The following C1QTNF7 variants were observed in gnomAD, a reference collection of about 807,000 sequenced individuals.
The protein encoded by C1QTNF7 is C1q and TNF related 7.
In C1QTNF7, 15 loss-of-function variants were observed where a neutral mutation model predicts 19.6. That is an observed-to-expected ratio of 0.76 (90% confidence interval 0.51 to 1.18). The LOEUF (loss-of-function observed/expected upper bound fraction) is 1.18, where lower values mean the gene tolerates loss of function less well. Among genes scored for constraint, C1QTNF7 ranks in the 50% most tolerant of loss-of-function variants. The pLI is 0.00. For synonymous variants in C1QTNF7, 142 were observed against 137.5 expected (o/e 1.03, Z -0.23); for missense variants, 324 against 359.7 (o/e 0.90, Z 0.80).
At chr4:15,405,077 C>G (rs1397359568) in intron 1 of C1QTNF7, among the ~76,000 whole-genome samples, 1 of 152,154 alleles carries the variant, frequency 6.6e-6, no homozygotes. Context: ...TACACACAAC[C>G]ATGGCTTAAA....
rs1388594148 is a variant in C1QTNF7, at chr4:15,442,399, GCTACCCAGAAGAAAGA to G, written c.476_491del (p.Pro159LeufsTer55). 1 of 1,614,176 alleles carries G rather than the reference GCTACCCAGAAGAAAGA, an allele frequency of 6.2e-7. No homozygotes were observed. The highest frequency in any genetic ancestry group is 1.1e-5 in the South Asian group (1 of 91,080). Reference sequence around the variant, plus strand: ...GCCTTTTCTGTTGGCATCACAACCAGCTACCCAGAAGAAAGACTACCTATTATATTTAACAAGGTCC... The same window carrying G: ...GCCTTTTCTGTTGGCATCACAACCAGCTACCTATTATATTTAACAAGGTCC... On this transcript the variant is annotated frameshift_variant, in exon 3 of 3. Coordinates refer to ENST00000444304, the MANE Select transcript of C1QTNF7 (RefSeq NM_031911.5). LOFTEE classifies it high-confidence loss of function.
upstream of C1QTNF7, among the ~76,000 whole-genome samples, chr4:15,424,768 T>C (rs1300158746): frequency 6.6e-6 from 1 of 152,224 alleles, no homozygotes; most frequent in Non-Finnish European, 1.5e-5. Context: ...GGACTGAAAA[T>C]GGCTGATGGT....
rs568700203 is a variant in C1QTNF7 at position 15,445,074 on chromosome 4, C to G, written c.*2275C>G. ...TGCTTTTCCTGTCTTTCAACCCTAT[C>G]TTGCTTTCATTGTCTTCATCTTCCT... is the stretch of plus-strand genomic sequence containing the variant. On this transcript the variant is annotated 3_prime_UTR_variant, in exon 3 of 3. Coordinates refer to ENST00000444304, the MANE Select transcript of C1QTNF7 (RefSeq NM_031911.5). 210 of 152,444 alleles carry G rather than the reference C, an allele frequency of 1.4e-3. No homozygotes were observed. The highest frequency in any genetic ancestry group is 4.7e-3 in the African/African-American group (196 of 41,570). The allele number at this position is 152,444 out of a possible 1,614,324, so 9.4% of individuals were successfully genotyped here. A position where few individuals can be genotyped will look rare whatever the true frequency, so the allele number is the denominator to read the frequency against.
chr4:15,406,279 G>A (rs1323428441), intron 1 of C1QTNF7, among the ~76,000 whole-genome samples: 2 of 152,148 alleles, frequency 1.3e-5, no homozygotes, highest in African/African-American at 2.4e-5. Flanking sequence ...TGTTGAATGA[G>A]TGAGAGTATA....
intron 1 of C1QTNF7, among the ~76,000 whole-genome samples, chr4:15,396,974 G>C (rs1037097442): frequency 1.3e-5 from 2 of 152,140 alleles, no homozygotes; most frequent in African/African-American, 4.8e-5. Flanking sequence ...ACAGTTCTAC[G>C]TGCCTGGGGA....
At chr4:15,425,693 G>C (rs1296738882), upstream of C1QTNF7, among the ~76,000 whole-genome samples, 1 of 152,186 alleles carries the variant, frequency 6.6e-6, no homozygotes, top group African/African-American at 2.4e-5. Flanking sequence ...CTCATCTGTA[G>C]AAGGAGGATA....
At chr4:15,349,315 C>T (rs1032940747) in intron 1 of C1QTNF7, among the ~76,000 whole-genome samples, 27 of 152,138 alleles carry the variant, frequency 1.8e-4, no homozygotes, top group African/African-American at 2.7e-4. Flanking sequence ...ACTCACCTCC[C>T]GCTCACTCTA....
chr4:15,426,357 A>G (rs1346415143), upstream of C1QTNF7, among the ~76,000 whole-genome samples: 2 of 152,210 alleles, frequency 1.3e-5, no homozygotes, highest in African/African-American at 2.4e-5. Flanking sequence ...AGCTTTATCA[A>G]CATCTGAGGT....
At chr4:15,420,662 A>C (rs1451408683) in intron 1 of C1QTNF7, among the ~76,000 whole-genome samples, 2 of 152,108 alleles carry the variant, frequency 1.3e-5, no homozygotes, top group Non-Finnish European at 2.9e-5. Context: ...TAATCCTCAG[A>C]GTCTTTTGCC....
Position 15,442,399 on chromosome 4 carries a change from G to C in C1QTNF7, c.470G>C (p.Ser157Thr). The C allele has an allele frequency of 6.2e-7, 1 of 1,614,176 alleles. No homozygotes were observed. The highest frequency in any genetic ancestry group is 8.5e-7 in the Non-Finnish European group (1 of 1,180,032). The change falls in exon 3 of 3, where the codon AGC (serine) becomes ACC (threonine). Residue 157 changes from serine to threonine, a missense_variant. Transcript: ENST00000444304. ...GCCTTTTCTGTTGGCATCACAACCA[G>C]CTACCCAGAAGAAAGACTACCTATT... ...KSAFSVGITT[S>T]YPEERLPIIF...
At position 15,442,763 on chromosome 4, in the gene C1QTNF7, T is replaced by C. The variant is rs1712830925; in HGVS notation, c.834T>C (p.Asp278=). 1 of 1,612,828 alleles carries C rather than the reference T, an allele frequency of 6.2e-7. No homozygotes were observed. Among genetic ancestry groups the C allele is most frequent in the Non-Finnish European group, 8.5e-7 (1 of 1,179,558 alleles). ...FSGFLLYVDT[D]YLDSISEDDE... is the part of the protein sequence containing the mutation. ...GGTTTCTCTTATACGTTGACACAGATTACCTAGATTCCATATCAGAAGATG... is the reference window on the plus strand; with the variant it reads ...GGTTTCTCTTATACGTTGACACAGACTACCTAGATTCCATATCAGAAGATG... The change falls in exon 3 of 3, where the codon GAT becomes GAC. Residue 278 remains aspartate (D), a synonymous_variant. Coordinates refer to ENST00000444304, the MANE Select transcript of C1QTNF7 (RefSeq NM_031911.5).
upstream of C1QTNF7, among the ~76,000 whole-genome samples, chr4:15,425,372 A>G (rs1307736712): frequency 2.6e-5 from 4 of 152,134 alleles, no homozygotes; most frequent in African/African-American, 9.7e-5. Context: ...TATCAGGGAG[A>G]CTTTCTGTAG....
chr4:15,386,573 GT>G (rs1718344501), intron 1 of C1QTNF7, among the ~76,000 whole-genome samples: 1 of 152,178 alleles, frequency 6.6e-6, no homozygotes, highest in African/African-American at 2.4e-5. Flanking sequence ...AAAAGGGGGT[GT>G]GGAATGGTTT....
chr4:15,387,539 A>T (rs1468976980), intron 1 of C1QTNF7, among the ~76,000 whole-genome samples: 1 of 152,194 alleles, frequency 6.6e-6, no homozygotes, highest in South Asian at 2.1e-4. Flanking sequence ...ACCAAGAGAC[A>T]GTGGTTTCTG....
chr4:15,386,436 G>A (rs564968049), intron 1 of C1QTNF7, among the ~76,000 whole-genome samples: 102 of 152,260 alleles, frequency 6.7e-4, no homozygotes, highest in Non-Finnish European at 1.0e-3. Context: ...ACTCAGCAAC[G>A]AAAAGTGCAG....
At chr4:15,396,064 A>G (rs1442833037) in intron 1 of C1QTNF7, among the ~76,000 whole-genome samples, 1 of 152,208 alleles carries the variant, frequency 6.6e-6, no homozygotes, top group African/African-American at 2.4e-5. Context: ...GCAAAGCTGC[A>G]AAATTCCAAG....
intron 1 of C1QTNF7, among the ~76,000 whole-genome samples, chr4:15,435,066 C>T (rs1214732209): frequency 6.6e-6 from 1 of 152,070 alleles, no homozygotes; most frequent in Non-Finnish European, 1.5e-5. Context: ...TGGGTGCATG[C>T]AAAGATTAGC....
At chr4:15,409,873 T>G (rs13124324) in intron 1 of C1QTNF7, among the ~76,000 whole-genome samples, 3 of 152,002 alleles carry the variant, frequency 2.0e-5, no homozygotes, top group African/African-American at 7.2e-5. Context: ...ATAGGGAACC[T>G]TCAGTAAATC....
At chr4:15,435,183 AT>A (rs1712477044) in intron 1 of C1QTNF7, among the ~76,000 whole-genome samples, 1 of 152,204 alleles carries the variant, frequency 6.6e-6, no homozygotes, top group African/African-American at 2.4e-5. Flanking sequence ...AAAAGCAATT[AT>A]TTTTTAATGT....
Sources: allele counts gnomAD v4.1 joint callset (sites outside exome capture counted in the v4.1 genomes callset), GRCh38; gene constraint gnomAD v4.1.1; transcripts MANE v1.5; gene names NCBI Gene and HGNC (gene_info 2026-07-23, HGNC 2026-07-21).